Variants in SLC41A3 observed in about 807,000 individuals in gnomAD.
SLC41A3 encodes the protein SLC41A1-like 2.
In SLC41A3, 44 loss-of-function variants were observed where a neutral mutation model predicts 45.4. That is an observed-to-expected ratio of 0.97 (90% CI 0.76 to 1.25). The LOEUF (loss-of-function observed/expected upper bound fraction) is 1.25, where lower values mean the gene tolerates loss of function less well. Ranked by LOEUF, SLC41A3 falls within the 50% of genes most tolerant of loss-of-function variation. SLC41A3 has a pLI of 0.00. For missense variants in SLC41A3, 550 were observed against 600.6 expected, an observed-to-expected ratio of 0.92 and a Z score of 0.88; for synonymous variants, 256 against 252.4, an observed-to-expected ratio of 1.01 and a Z score of -0.13.
intron 1 of SLC41A3, among the ~76,000 whole-genome samples, chr3:126,096,183 G>A (rs779331069): frequency 6.6e-6 from 1 of 152,228 alleles, no homozygotes; most frequent in Non-Finnish European, 1.5e-5. Context: ...TTAGCAGCTA[G>A]TAACCCATTA....
intron 6 of SLC41A3, among the ~76,000 whole-genome samples, chr3:126,017,321 G>A (rs1273392565): frequency 1.3e-5 from 2 of 152,236 alleles, no homozygotes; most frequent in African/African-American, 4.8e-5. Context: ...TGCCTAGACA[G>A]CAAGCAGCCC....
intron 3 of SLC41A3, among the ~76,000 whole-genome samples, chr3:126,046,781 A>G (rs6764781): frequency 0.71 from 106,697 of 151,188 alleles, 37,797 homozygotes; most frequent in East Asian, 0.82. Flanking sequence ...GGCCAACATG[A>G]TGAAACCACT....
Position 126,068,008 on chromosome 3 carries a change from A to C in SLC41A3, c.212T>G (p.Val71Gly), listed in dbSNP as rs1191333821. Residue 71 changes from valine (V) to glycine (G), a missense_variant, in exon 2 of 11, where the codon GTG (valine) becomes GGG (glycine). Coordinates refer to ENST00000360370, the MANE Select transcript of SLC41A3 (RefSeq NM_017836.4). ...TCCCAGGCCTGCAAACATGAAGGGC[A>C]CGGTCACCTGAAGGCCTATGGACCA... Reference protein sequence around the residue: ...TTWSIGLQVTVPFMFAGLGLS... With the variant: ...TTWSIGLQVTGPFMFAGLGLS... The C allele has an allele frequency of 6.2e-7, 1 of 1,614,012 alleles. No homozygotes were observed. Among genetic ancestry groups the C allele is most frequent in the Middle Eastern group, 1.6e-4 (1 of 6,062 alleles).
chr3:126,045,580 C>T (rs1450538865), intron 3 of SLC41A3, among the ~76,000 whole-genome samples: 1 of 152,060 alleles, frequency 6.6e-6, no homozygotes, highest in Non-Finnish European at 1.5e-5. Context: ...ATGGGAAATA[C>T]AAAATCTGAA....
intron 2 of SLC41A3, among the ~76,000 whole-genome samples, chr3:126,052,308 G>A (rs1189108771): frequency 1.3e-5 from 2 of 152,034 alleles, no homozygotes; most frequent in African/African-American, 2.4e-5. Flanking sequence ...CTCAGCAGGG[G>A]AACCAAGGCC....
At position 126,044,895 on chromosome 3, in the gene SLC41A3, C is replaced by CAAAA. The variant is rs57581225; in HGVS notation, c.381+6044_381+6047dup. On this transcript the variant is annotated intron_variant, in intron 3 of 10. Transcript: ENST00000360370. ...TGGGCGACAGAGCGAGACTCCATCT[C>CAAAA]AAAAAAAAAAAAAAAAAAAAAAAAA... Among the ~76,000 whole-genome samples, 47 of 82,708 alleles carry CAAAA rather than the reference C, an allele frequency of 5.7e-4. 10 individuals carry two copies. The East Asian group carries it at 8.8e-3, about 15-fold the overall frequency. 54.3% of individuals were successfully genotyped at this position (82,708 alleles called of 152,430 possible).
At chr3:126,101,036 T>G (rs1945697517) in intron 1 of SLC41A3, among the ~76,000 whole-genome samples, 1 of 152,224 alleles carries the variant, frequency 6.6e-6, no homozygotes, top group Non-Finnish European at 1.5e-5. Flanking sequence ...CCGGGGGAGA[T>G]GAGCCTCCAT....
intron 2 of SLC41A3, among the ~76,000 whole-genome samples, chr3:126,065,096 A>G (rs1027428210): frequency 1.3e-5 from 2 of 152,210 alleles, no homozygotes; most frequent in African/African-American, 4.8e-5. Flanking sequence ...CAGTCCTTCA[A>G]CCTCAGGGAG....
At chr3:126,074,242 A>G (rs1398207957) in intron 1 of SLC41A3, among the ~76,000 whole-genome samples, 1 of 151,710 alleles carries the variant, frequency 6.6e-6, no homozygotes, top group African/African-American at 2.4e-5. Flanking sequence ...AATTCTTACC[A>G]CAGACAAAGA....
At chr3:126,085,456 G>C (rs1411524624), upstream of SLC41A3, 2 of 152,200 alleles carry the variant, frequency 1.3e-5, no homozygotes, top group Admixed American at 1.3e-4. Flanking sequence ...GAAGATACCA[G>C]TGGGGCCCAT....
At chr3:126,031,818 C>T (rs1576263126) in intron 4 of SLC41A3, among the ~76,000 whole-genome samples, 1 of 152,164 alleles carries the variant, frequency 6.6e-6, no homozygotes, top group African/African-American at 2.4e-5. Flanking sequence ...ATTACCTGCC[C>T]CTTGCTAGAC....
intron 2 of SLC41A3, among the ~76,000 whole-genome samples, chr3:126,059,685 T>C (rs1943953128): frequency 1.3e-5 from 2 of 152,158 alleles, no homozygotes; most frequent in African/African-American, 2.4e-5. Flanking sequence ...ATGGTTAGGA[T>C]CAGTTTGTTC....
chr3:126,016,932 C>G, intron 6 of SLC41A3, 57 bp from the exon 7 acceptor site: 1 of 1,589,748 alleles, frequency 6.3e-7, no homozygotes, highest in Non-Finnish European at 8.5e-7. Flanking sequence ...CACACACAGG[C>G]TGGGCCTGGG....
chr3:126,016,701 A>T (rs1294988855), intron 7 of SLC41A3, 30 bp downstream of exon 7: 1 of 1,590,118 alleles, frequency 6.3e-7, no homozygotes, highest in African/African-American at 1.4e-5. Context: ...GAGAGGAGGA[A>T]GAGGGGCCGT....
chr3:126,097,604 C>T (rs1169169177), intron 1 of SLC41A3, among the ~76,000 whole-genome samples: 1 of 152,208 alleles, frequency 6.6e-6, no homozygotes, highest in Non-Finnish European at 1.5e-5. Flanking sequence ...TGGACCCTCA[C>T]TTGTACTTTT....
intron 1 of SLC41A3, among the ~76,000 whole-genome samples, chr3:126,077,923 C>A (rs566932895): frequency 1.3e-5 from 2 of 152,188 alleles, no homozygotes; most frequent in African/African-American, 4.8e-5. Flanking sequence ...CTCGAGTTGG[C>A]GGCACCCTCG....
At chr3:126,062,111 A>G (rs1474246791) in intron 2 of SLC41A3, among the ~76,000 whole-genome samples, 1 of 152,230 alleles carries the variant, frequency 6.6e-6, no homozygotes, top group East Asian at 1.9e-4. Flanking sequence ...AGACTTAAAC[A>G]GGGTATGTCA....
At chr3:126,071,849 C>T (rs910384848) in intron 1 of SLC41A3, among the ~76,000 whole-genome samples, 1 of 151,386 alleles carries the variant, frequency 6.6e-6, no homozygotes, top group South Asian at 2.1e-4. Context: ...CAGCTCACTG[C>T]AGCTTAGACC....
chr3:126,046,119 G>A (rs1044436683), intron 3 of SLC41A3, among the ~76,000 whole-genome samples: 4 of 151,926 alleles, frequency 2.6e-5, no homozygotes, highest in Non-Finnish European at 4.4e-5. Context: ...GGTTATATGT[G>A]AAAATCCCAC....
Sources: allele counts gnomAD v4.1 joint callset (sites outside exome capture counted in the v4.1 genomes callset), GRCh38; gene constraint gnomAD v4.1.1; transcripts MANE v1.5; gene names NCBI Gene and HGNC (gene_info 2026-07-23, HGNC 2026-07-21).